The following LGMN variants were observed in gnomAD, a reference collection of about 807,000 sequenced individuals.
LGMN encodes asparaginyl endopeptidase.
In LGMN, 36 loss-of-function variants were observed where a neutral mutation model predicts 56.8. That is an observed-to-expected ratio of 0.63 (90% CI 0.49 to 0.84). The LOEUF (loss-of-function observed/expected upper bound fraction) is 0.84, where lower values mean the gene tolerates loss of function less well. LGMN is among the 40% of genes least tolerant of loss of function. The pLI, the probability that LGMN is intolerant of heterozygous loss-of-function variation, is 0.00. For missense variants in LGMN, 446 were observed against 556.1 expected (o/e 0.80, Z 1.99); for synonymous variants, 199 against 210.1 (o/e 0.95, Z 0.46).
chr14:92,706,422 C>T, intron 12 of LGMN, 61 bp downstream of exon 12: 1 of 1,362,766 alleles, frequency 7.3e-7, no homozygotes, highest in Non-Finnish European at 9.8e-7. Flanking sequence ...AATGTGACTG[C>T]CAGGGGACAA....
chr14:92,707,059 T>C (rs1889470227), intron 11 of LGMN, among the ~76,000 whole-genome samples: 1 of 151,914 alleles, frequency 6.6e-6, no homozygotes, highest in Non-Finnish European at 1.5e-5. Context: ...TTCCAGACAA[T>C]GAAAAACAGC....
Position 92,717,454 on chromosome 14 carries a change from T to A in LGMN, c.244A>T (p.Thr82Ser), listed in dbSNP as rs1256373167. ...DDIAYSEDNP[T>S]PGIVINRPNG... ...GGCCTGTTGATCACAATTCCTGGAG[T>A]GGGATTGCTGAAAATTAAAGGACAC... Residue 82 changes from threonine (T) to serine (S), a missense_variant, in exon 4 of 14, where the codon ACT becomes TCT. Thr to Ser is a moderately conservative substitution (Grantham distance 58). Coordinates refer to ENST00000334869, the MANE Select transcript of LGMN (RefSeq NM_005606.7). The A allele has an allele frequency of 8.7e-6, 14 of 1,611,718 alleles. No individual in the cohort carries two copies. The highest frequency in any genetic ancestry group is 1.2e-5 in the Non-Finnish European group (14 of 1,178,144).
intron 2 of LGMN, among the ~76,000 whole-genome samples, chr14:92,719,935 CT>C (rs1397782886): frequency 6.6e-6 from 1 of 152,222 alleles, no homozygotes; most frequent in East Asian, 1.9e-4. Context: ...AGCGATTTGT[CT>C]CCCCAAGGAA....
In LGMN at chr14:92,704,697, G is replaced by A. The variant is rs1412793914; in HGVS notation, c.1202C>T (p.Ala401Val). ...FNWHSPTYEYALRHLYVLVNL... is the reference protein window; with the variant it reads ...FNWHSPTYEYVLRHLYVLVNL... ...GACCAGCACGTACAAATGTCTCAAC[G>A]CATACTCGTACTGGGAGAAAACAAA... Residue 401 changes from alanine (A) to valine (V), a missense_variant, in exon 13 of 14, where the codon GCG becomes GTG. Coordinates refer to ENST00000334869, the MANE Select transcript of LGMN (RefSeq NM_005606.7). The A allele has an allele frequency of 1.2e-6, 2 of 1,612,632 alleles. No homozygotes were observed. The highest frequency in any genetic ancestry group is 1.1e-5 in the South Asian group (1 of 91,044).
Position 92,718,587 on chromosome 14 carries a change from A to AT in LGMN, c.236+159_236+160insA, listed in dbSNP as rs1207160672. 7.3e-3 allele frequency among the ~76,000 whole-genome samples: 1,079 copies of AT among 147,588 alleles called. 12 individuals are homozygous for AT. Among genetic ancestry groups the AT allele is most frequent in the African/African-American group, 0.025 (1,015 of 40,392 alleles). ...AGACTGTCTCAAATAAATAATAATA[A>AT]AAAAAAAAAAGCTCAACATGAGGTA... On this transcript the variant is annotated intron_variant, in intron 3 of 13. Transcript: ENST00000334869.
At chr14:92,725,539 G>A (rs1354087988) in intron 2 of LGMN, among the ~76,000 whole-genome samples, 2 of 151,890 alleles carry the variant, frequency 1.3e-5, no homozygotes, top group Non-Finnish European at 2.9e-5. Flanking sequence ...ATAAGACCCT[G>A]TTGCTGAAAA....
chr14:92,746,046 C>A (rs1428005059), intron 1 of LGMN, among the ~76,000 whole-genome samples: 1 of 152,144 alleles, frequency 6.6e-6, no homozygotes, highest in Non-Finnish European at 1.5e-5. Context: ...TGGTCTTGAT[C>A]TCCTGACGTC....
At chr14:92,706,301 G>C in intron 12 of LGMN, 182 bp downstream of exon 12, 1 of 461,898 alleles carries the variant, frequency 2.2e-6, no homozygotes, top group Non-Finnish European at 3.7e-6. Context: ...GACAAGAAGA[G>C]TGTTCTGGGG....
intron 1 of LGMN, among the ~76,000 whole-genome samples, chr14:92,746,109 C>T (rs1353693625): frequency 6.6e-6 from 1 of 152,232 alleles, no homozygotes. Flanking sequence ...GCACGAGCCA[C>T]CGCGCCCAGC....
rs1566933160 is a variant in LGMN at position 92,732,755 on chromosome 14, A to G, written c.32T>C (p.Val11Ala). ...AGGAACGGCACCAATGCCCAGGGCC[A>G]CACTGAGGAATACAGCTACTTTCCA... MVWKVAVFLS[V>A]ALGIGAVPID... Residue 11 changes from valine (V) to alanine (A), a missense_variant, in exon 2 of 14, where the codon GTG becomes GCG. By Grantham distance (64) the Val-to-Ala change is moderately conservative (BLOSUM62 0). Transcript: ENST00000334869. 3 of 1,614,218 alleles carry G rather than the reference A, an allele frequency of 1.9e-6. No homozygotes were observed. The highest frequency in any genetic ancestry group is 2.2e-5 in the East Asian group (1 of 44,892).
In LGMN at chr14:92,704,208, T is replaced by TC. The variant is rs756855361; in HGVS notation, c.*110dup. ...CTGGAGCGAGCCCTGGAGCGGGGGC[T>TC]CCCCAGGAGGGCCCGAGCAGCGGAG... On this transcript the variant is annotated 3_prime_UTR_variant, in exon 14 of 14. Transcript: ENST00000334869. 9.6e-5 allele frequency: 135 copies of TC among 1,400,900 alleles called. No homozygotes were observed. In the Middle Eastern group the frequency reaches 1.6e-3, roughly 17 times the overall value. 86.8% of individuals were successfully genotyped at this position (1,400,900 alleles called of 1,614,324 possible). A position where few individuals can be genotyped will look rare whatever the true frequency, so the allele number is the denominator to read the frequency against.
At chr14:92,712,353 A>C (rs541026074) in intron 8 of LGMN, among the ~76,000 whole-genome samples, 1 of 152,330 alleles carries the variant, frequency 6.6e-6, no homozygotes, top group African/African-American at 2.4e-5. Context: ...GCTACCACTT[A>C]CTATCTCTCT....
chr14:92,709,983 C>A, intron 10 of LGMN, 111 bp from the exon 11 acceptor site: 1 of 769,074 alleles, frequency 1.3e-6, no homozygotes. Flanking sequence ...GCAGAGGTGC[C>A]CAACATACCC....
At chr14:92,744,757 G>A (rs1402776857) in intron 1 of LGMN, among the ~76,000 whole-genome samples, 8 of 151,784 alleles carry the variant, frequency 5.3e-5, no homozygotes, top group Admixed American at 2.0e-4. Context: ...CACCACGCCC[G>A]GCTAATTTTT....
At chr14:92,735,357 C>G (rs934348250) in intron 1 of LGMN, among the ~76,000 whole-genome samples, 1 of 152,194 alleles carries the variant, frequency 6.6e-6, no homozygotes, top group Non-Finnish European at 1.5e-5. Flanking sequence ...CAGGTGCCCA[C>G]CACCATGCCC....
In LGMN at chr14:92,709,889, C is replaced by A; in HGVS notation, c.820-17G>T. 1 of 1,568,852 alleles carries A rather than the reference C, an allele frequency of 6.4e-7. No homozygotes were observed. Among genetic ancestry groups the A allele is most frequent in the South Asian group, 1.2e-5 (1 of 85,078 alleles). On this transcript the variant is annotated splice_polypyrimidine_tract_variant and intron_variant, in intron 10 of 13. Coordinates refer to ENST00000334869, the MANE Select transcript of LGMN (RefSeq NM_005606.7). ...GGAGATTGTCTGGGGAGACAGACAG[C>A]AAGAGAGAGCGAGAGAGAAAGCGAG... is the stretch of plus-strand genomic sequence containing the variant.
intron 3 of LGMN, 80 bp from the exon 4 acceptor site, chr14:92,717,541 G>GA: frequency 9.7e-7 from 1 of 1,035,638 alleles, no homozygotes; most frequent in Non-Finnish European, 1.5e-6. Flanking sequence ...TATGTTATGC[G>GA]AAAAAATAGT....
At chr14:92,735,934 G>A (rs560836315) in intron 1 of LGMN, among the ~76,000 whole-genome samples, 4 of 152,150 alleles carry the variant, frequency 2.6e-5, no homozygotes, top group African/African-American at 7.2e-5. Context: ...AAGTCCACTC[G>A]ACCTGACAAG....
At chr14:92,720,871 A>G (rs1437757096) in intron 2 of LGMN, among the ~76,000 whole-genome samples, 2 of 151,784 alleles carry the variant, frequency 1.3e-5, no homozygotes, top group Non-Finnish European at 2.9e-5. Context: ...GCCCAATGTC[A>G]TTTTTGTTTA....
Sources: allele counts gnomAD v4.1 joint callset (sites outside exome capture counted in the v4.1 genomes callset), GRCh38; gene constraint gnomAD v4.1.1; transcripts MANE v1.5; gene names NCBI Gene and HGNC (gene_info 2026-07-23, HGNC 2026-07-21).